Variants in SSBP2 observed in about 807,000 individuals in gnomAD.
The protein encoded by SSBP2 is single stranded DNA binding protein 2, also known as single-stranded DNA-binding protein 2.
Under a neutral mutation model 61.8 loss-of-function variants are expected in SSBP2, and 17 were observed. The observed-to-expected ratio is 0.28, with a 90% CI of 0.19 to 0.41. The LOEUF (loss-of-function observed/expected upper bound fraction) is 0.41. SSBP2 is among the 10% of genes least tolerant of loss of function. The pLI is 1.00. For synonymous variants in SSBP2, 139 were observed against 141.3 expected, an observed-to-expected ratio of 0.98 and a Z score of 0.12; for missense variants, 310 against 458.7, an observed-to-expected ratio of 0.68 and a Z score of 2.96.
intron 1 of SSBP2, among the ~76,000 whole-genome samples, chr5:81,658,390 A>AC (rs1750409279): frequency 6.6e-6 from 1 of 151,950 alleles, no homozygotes; most frequent in South Asian, 2.1e-4. Context: ...TGACTCCAAT[A>AC]CCCCCACAGA....
intron 4 of SSBP2, among the ~76,000 whole-genome samples, chr5:81,592,197 T>G (rs1223427506): frequency 6.6e-6 from 1 of 152,358 alleles, no homozygotes; most frequent in East Asian, 1.9e-4. Context: ...ATCCCGCACT[T>G]GGCTCGGAGG....
At chr5:81,582,124 TAAG>T (rs992480341) in intron 4 of SSBP2, among the ~76,000 whole-genome samples, 1 of 152,162 alleles carries the variant, frequency 6.6e-6, no homozygotes, top group African/African-American at 2.4e-5. Context: ...TTGTTTTGTC[TAAG>T]AAAAGCCATC....
rs1763445792 is a variant in SSBP2, at chr5:81,446,993, C to A, written c.724-71G>T. On this transcript the variant is annotated intron_variant, in intron 11 of 16. Transcript: ENST00000320672. Reference sequence around the variant, plus strand: ...GAAAAAACAGAAGTTAGACTTATATCTATAATAATCCAATTTGAAAATAAG... The same window carrying A: ...GAAAAAACAGAAGTTAGACTTATATATATAATAATCCAATTTGAAAATAAG... 4.7e-5 allele frequency: 49 copies of A among 1,046,430 alleles called. No individual in the cohort carries two copies. In the South Asian group the frequency reaches 8.2e-4, roughly 18 times the overall value. 64.8% of individuals were successfully genotyped at this position (1,046,430 alleles called of 1,614,324 possible).
At chr5:81,509,585 AAT>A (rs1197925975) in intron 5 of SSBP2, among the ~76,000 whole-genome samples, 1 of 152,196 alleles carries the variant, frequency 6.6e-6, no homozygotes, top group Non-Finnish European at 1.5e-5. Flanking sequence ...ATAATAATAT[AAT>A]ATGTCTTTTT....
At chr5:81,554,944 G>C (rs1424982169) in intron 4 of SSBP2, among the ~76,000 whole-genome samples, 1 of 152,106 alleles carries the variant, frequency 6.6e-6, no homozygotes, top group Non-Finnish European at 1.5e-5. Context: ...CTTGTCAGGA[G>C]CCATTGAACT....
At chr5:81,574,314 T>C (rs935972630) in intron 4 of SSBP2, among the ~76,000 whole-genome samples, 3 of 151,560 alleles carry the variant, frequency 2.0e-5, no homozygotes, top group Admixed American at 2.0e-4. Context: ...TTTAACAGGG[T>C]ATTAGCCCAA....
intron 1 of SSBP2, among the ~76,000 whole-genome samples, chr5:81,685,920 A>G (rs1490817331): frequency 6.6e-6 from 1 of 152,228 alleles, no homozygotes; most frequent in Non-Finnish European, 1.5e-5. Context: ...CCCCCAGAAT[A>G]CCCCAAAAGT....
chr5:81,455,954 T>A (rs192487554), intron 10 of SSBP2, among the ~76,000 whole-genome samples: 4 of 152,326 alleles, frequency 2.6e-5, no homozygotes. Flanking sequence ...AGGACTTTCA[T>A]TTTGTTAAAT....
chr5:81,455,237 G>A (rs1384506798), intron 10 of SSBP2, among the ~76,000 whole-genome samples: 1 of 151,908 alleles, frequency 6.6e-6, no homozygotes, highest in African/African-American at 2.4e-5. Context: ...TGTGATCCTA[G>A]CTCAGTTGTG....
At chr5:81,438,774 T>C (rs1422521146) in intron 14 of SSBP2, among the ~76,000 whole-genome samples, 3 of 152,194 alleles carry the variant, frequency 2.0e-5, no homozygotes, top group Non-Finnish European at 2.9e-5. Flanking sequence ...AATAACAATA[T>C]TGCAAAGTGA....
intron 1 of SSBP2, among the ~76,000 whole-genome samples, chr5:81,683,260 G>A (rs1305209325): frequency 1.3e-5 from 2 of 152,126 alleles, no homozygotes; most frequent in African/African-American, 4.8e-5. Context: ...CAGTACTAAA[G>A]AAGTGTGGTA....
intron 1 of SSBP2, among the ~76,000 whole-genome samples, chr5:81,705,319 T>C (rs1395523798): frequency 1.3e-5 from 2 of 152,176 alleles, no homozygotes; most frequent in Admixed American, 6.5e-5. Context: ...TAATAGAGTA[T>C]AATTCTTAAA....
chr5:81,747,122 G>A (rs1258914261), intron 1 of SSBP2, among the ~76,000 whole-genome samples: 1 of 151,066 alleles, frequency 6.6e-6, no homozygotes, highest in Non-Finnish European at 1.5e-5. Context: ...ACACAGATCT[G>A]CAAAGCATCA....
intron 6 of SSBP2, among the ~76,000 whole-genome samples, chr5:81,477,553 T>C (rs951121859): frequency 6.6e-6 from 1 of 152,200 alleles, no homozygotes; most frequent in Non-Finnish European, 1.5e-5. Context: ...TTGTTCAATA[T>C]AACCAGTCTC....
chr5:81,607,156 ATATTTTCCTT>A (rs1355170224), intron 4 of SSBP2, among the ~76,000 whole-genome samples: 1 of 152,124 alleles, frequency 6.6e-6, no homozygotes, highest in Non-Finnish European at 1.5e-5. Context: ...CATTTCTAAG[ATATTTTCCTT>A]TATTTTCCCT....
At chr5:81,653,030 G>A (rs559732510) in intron 1 of SSBP2, among the ~76,000 whole-genome samples, 5 of 151,276 alleles carry the variant, frequency 3.3e-5, no homozygotes, top group East Asian at 2.0e-4. Flanking sequence ...CACATGCCAC[G>A]GTGGTTTGCT....
At chr5:81,455,482 G>A (rs886925342) in intron 10 of SSBP2, among the ~76,000 whole-genome samples, 2 of 97,740 alleles carry the variant, frequency 2.0e-5, no homozygotes, top group Non-Finnish European at 3.6e-5. Context: ...AGCCGGGCGC[G>A]GTGGCGGGCG....
At chr5:81,686,559 A>G (rs535444785) in intron 1 of SSBP2, among the ~76,000 whole-genome samples, 1 of 152,270 alleles carries the variant, frequency 6.6e-6, no homozygotes, top group South Asian at 2.1e-4. Context: ...AAGTCACTAA[A>G]AAAGTGACAA....
chr5:81,736,178 ACACACACACACT>A (rs767857069), intron 1 of SSBP2, among the ~76,000 whole-genome samples: 8,154 of 131,470 alleles, frequency 0.062, 304 homozygotes, highest in Middle Eastern at 0.1. Context: ...ACACACACAC[ACACACACACACT>A]CTACGGCACT....
Sources: allele counts gnomAD v4.1 joint callset (sites outside exome capture counted in the v4.1 genomes callset), GRCh38; gene constraint gnomAD v4.1.1; transcripts MANE v1.5; gene names NCBI Gene and HGNC (gene_info 2026-07-23, HGNC 2026-07-21).